Variants in KCNK12 observed in about 807,000 individuals in gnomAD.
The protein encoded by KCNK12 is potassium channel subfamily K member 12.
Under a neutral mutation model 25.3 loss-of-function variants are expected in KCNK12, and 6 were observed. The ratio of observed to expected loss-of-function variants is 0.24; its 90% CI spans 0.13 to 0.47. The LOEUF (loss-of-function observed/expected upper bound fraction) is 0.47. KCNK12 is among the 20% of genes least tolerant of loss of function. The pLI is 0.99. For missense variants in KCNK12, 444 were observed against 661.7 expected, an observed-to-expected ratio of 0.67 and a Z score of 3.61; for synonymous variants, 331 against 311.1, an observed-to-expected ratio of 1.06 and a Z score of -0.67.
chr2:47,521,193 G>C lies in KCNK12; in HGVS notation c.1007C>G (p.Thr336Ser). 6.7e-7 allele frequency: 1 copy of C among 1,501,298 alleles called. No homozygotes were observed. Among genetic ancestry groups the C allele is most frequent in the Non-Finnish European group, 8.9e-7 (1 of 1,126,386 alleles). 93.0% of individuals were successfully genotyped at this position (1,501,298 alleles called of 1,614,324 possible). A position where few individuals can be genotyped will look rare whatever the true frequency, so the allele number is the denominator to read the frequency against. The change falls in exon 2 of 2, where the codon ACC (threonine) becomes AGC (serine). Residue 336 changes from threonine to serine, a missense_variant. Thr to Ser is a moderately conservative substitution (Grantham distance 58). This residue lies in a region of KCNK12 where 69 missense variants were observed against 81.7 expected (regional missense o/e 0.84). Coordinates refer to ENST00000327876, the MANE Select transcript of KCNK12 (RefSeq NM_022055.2). ...GCGGCGGCGCAGCCGGGAGCCTGGG[G>C]TGATGGCATTGCGCCGGGCCAGGGG... Reference protein sequence around the residue: ...GAPLARRNAITPGSRLRRRLA... With the variant: ...GAPLARRNAISPGSRLRRRLA...
rs1669526023 is a variant in KCNK12, at chr2:47,555,170, G to C, written c.391+14771C>G. Among the ~76,000 whole-genome samples, 1 of 152,224 alleles carries C rather than the reference G, an allele frequency of 6.6e-6. No homozygotes were observed. Among genetic ancestry groups the C allele is most frequent in the Admixed American group, 6.5e-5 (1 of 15,282 alleles). ...ACCCATGGTTCTGAAGCTTAGTGTA[G>C]AAGATGGGTTATTCATCAATAGATA... On this transcript the variant is annotated intron_variant, in intron 1 of 1. Transcript: ENST00000327876. The surrounding 1 kb of genome is among the most constrained non-coding windows in gnomAD (Gnocchi z 4.5).
Position 47,557,595 on chromosome 2 carries a change from T to TC in KCNK12, c.391+12345dup, listed in dbSNP as rs1669575822. Among the ~76,000 whole-genome samples, 1 of 152,178 alleles carries TC rather than the reference T, an allele frequency of 6.6e-6. No individual in the cohort carries two copies. The highest frequency in any genetic ancestry group is 1.5e-5 in the Non-Finnish European group (1 of 68,030). On this transcript the variant is annotated intron_variant, in intron 1 of 1. Coordinates refer to ENST00000327876, the MANE Select transcript of KCNK12 (RefSeq NM_022055.2). This position sits in a 1 kb window ranked among gnomAD's most constrained non-coding sequence, Gnocchi z 4.9. Reference sequence around the variant, plus strand: ...TTGTCACTTGGCAATGCAGATTTCTTCATTCTTAAAATGGATACATGAATA... The same window carrying TC: ...TTGTCACTTGGCAATGCAGATTTCTTCCATTCTTAAAATGGATACATGAATA...
At chr2:47,552,299 G>A (rs540709180) in intron 1 of KCNK12, among the ~76,000 whole-genome samples, 3 of 152,276 alleles carry the variant, frequency 2.0e-5, no homozygotes, top group South Asian at 4.1e-4. Context: ...GCTGCCCTCA[G>A]CAATCTCCGA....
rs1259606969 is a variant in KCNK12, at chr2:47,569,627, C to T, written c.391+314G>A. On this transcript the variant is annotated intron_variant, in intron 1 of 1. Transcript: ENST00000327876. This position sits in a 1 kb window ranked among gnomAD's most constrained non-coding sequence, Gnocchi z 4.1. ...TTGTGGGTGGAAAACAGGAAGGAAC[C>T]GGTAGCCCTTGGCACGTATTCTTAG... 2.0e-5 allele frequency among the ~76,000 whole-genome samples: 3 copies of T among 152,084 alleles called. No homozygotes were observed. Among genetic ancestry groups the T allele is most frequent in the Admixed American group, 2.0e-4 (3 of 15,278 alleles).
chr2:47,568,854 G>T lies in KCNK12; in HGVS notation c.391+1087C>A, dbSNP rs1413557018. On this transcript the variant is annotated intron_variant, in intron 1 of 1. Coordinates refer to ENST00000327876, the MANE Select transcript of KCNK12 (RefSeq NM_022055.2). Reference sequence around the variant, plus strand: ...CCTGGGATTCAAAGCAGGAGTGGGGGGACACACACAGCCTTGTCAAGGTGA... The same window carrying T: ...CCTGGGATTCAAAGCAGGAGTGGGGTGACACACACAGCCTTGTCAAGGTGA... 2.6e-5 allele frequency among the ~76,000 whole-genome samples: 4 copies of T among 152,272 alleles called. 1 individual carries two copies. The highest frequency in any genetic ancestry group is 5.9e-5 in the Non-Finnish European group (4 of 68,024).
Position 47,569,902 on chromosome 2 carries a change from G to T in KCNK12, c.391+39C>A. On this transcript the variant is annotated intron_variant, in intron 1 of 1. Coordinates refer to ENST00000327876, the MANE Select transcript of KCNK12 (RefSeq NM_022055.2). The surrounding 1 kb of genome is among the most constrained non-coding windows in gnomAD (Gnocchi z 4.1). ...CAGTGGAAAGGGCGGCAGGTGAAAG[G>T]CACAGAGAGGAAAGATGCGCGGGGG... 7.6e-7 allele frequency: 1 copy of T among 1,319,908 alleles called. No individual in the cohort carries two copies. Among genetic ancestry groups the T allele is most frequent in the Non-Finnish European group, 9.7e-7 (1 of 1,027,330 alleles). The allele number at this position is 1,319,908 out of a possible 1,614,324, so 81.8% of individuals were successfully genotyped here.
intron 1 of KCNK12, among the ~76,000 whole-genome samples, chr2:47,546,970 G>C (rs145456694): frequency 6.6e-6 from 1 of 152,104 alleles, no homozygotes; most frequent in Non-Finnish European, 1.5e-5. Flanking sequence ...GAGAGACTTG[G>C]GTGTGGGAAA....
chr2:47,551,479 A>G lies in KCNK12; in HGVS notation c.391+18462T>C, dbSNP rs1431539391. On this transcript the variant is annotated intron_variant, in intron 1 of 1. Coordinates refer to ENST00000327876, the MANE Select transcript of KCNK12 (RefSeq NM_022055.2). The surrounding 1 kb of genome is among the most constrained non-coding windows in gnomAD (Gnocchi z 5.3). ...AACTAGAATGTTAGCTCCATAAGCT[A>G]GGGACTTTGTCTACTTGTTCACTGC... Among the ~76,000 whole-genome samples the G allele has an allele frequency of 1.3e-5, 2 of 152,210 alleles. No homozygotes were observed. The highest frequency in any genetic ancestry group is 1.3e-4 in the Admixed American group (2 of 15,284).
intron 1 of KCNK12, among the ~76,000 whole-genome samples, chr2:47,539,521 C>G (rs896277230): frequency 6.6e-6 from 1 of 151,932 alleles, no homozygotes; most frequent in Admixed American, 6.6e-5. Context: ...GAAGGGAGGC[C>G]AAAGGGAGGC....
chr2:47,549,717 C>T (rs79875759), intron 1 of KCNK12, among the ~76,000 whole-genome samples: 16 of 152,182 alleles, frequency 1.1e-4, no homozygotes, highest in African/African-American at 2.2e-4. Context: ...GGGCGGATCA[C>T]GAGGTCAGGA....
At chr2:47,539,175 A>C (rs1572593524) in intron 1 of KCNK12, among the ~76,000 whole-genome samples, 1 of 152,238 alleles carries the variant, frequency 6.6e-6, no homozygotes, top group South Asian at 2.1e-4. Context: ...TGAATCCAGG[A>C]TAAATAATGT....
chr2:47,568,211 C>G (rs531991585), intron 1 of KCNK12, among the ~76,000 whole-genome samples: 26 of 151,702 alleles, frequency 1.7e-4, no homozygotes, highest in African/African-American at 5.6e-4. Flanking sequence ...AGGGAAAGGG[C>G]GTGTTTACAA....
In KCNK12 at chr2:47,513,359, A is replaced by C. The variant is rs1668449629; in HGVS notation, c.*7548T>G. On this transcript the variant is annotated 3_prime_UTR_variant, in exon 2 of 2. Coordinates refer to ENST00000327876, the MANE Select transcript of KCNK12 (RefSeq NM_022055.2). Reference sequence around the variant, plus strand: ...TCTTAATCACTCAGTGGCACTTGGCACTTATTCCTTCTTGAAACCCTTGTT... The same window carrying C: ...TCTTAATCACTCAGTGGCACTTGGCCCTTATTCCTTCTTGAAACCCTTGTT... 1 of 152,230 alleles carries C rather than the reference A, an allele frequency of 6.6e-6. No homozygotes were observed. The highest frequency in any genetic ancestry group is 2.4e-5 in the African/African-American group (1 of 41,444). The allele number at this position is 152,230 out of a possible 1,614,324, so 9.4% of individuals were successfully genotyped here.
At position 47,519,712 on chromosome 2, in the gene KCNK12, T is replaced by A. The variant is rs1668605632; in HGVS notation, c.*1195A>T. On this transcript the variant is annotated 3_prime_UTR_variant, in exon 2 of 2. Transcript: ENST00000327876. The stretch of plus-strand genomic sequence containing the variant: ...CTGCCTTCCTCTGCCTCCAATAGGC[T>A]GTGCATGGAGAAGACAAATCCTCTT... The A allele has an allele frequency of 6.6e-6, 1 of 152,276 alleles. No individual in the cohort carries two copies. Among genetic ancestry groups the A allele is most frequent in the Admixed American group, 6.5e-5 (1 of 15,286 alleles). The allele number at this position is 152,276 out of a possible 1,614,324, so 9.4% of individuals were successfully genotyped here.
rs1333451521 is a variant in KCNK12 at position 47,520,262 on chromosome 2, G to C, written c.*645C>G. 2.0e-5 allele frequency: 3 copies of C among 152,262 alleles called. No individual in the cohort carries two copies. Among genetic ancestry groups the C allele is most frequent in the Non-Finnish European group, 4.4e-5 (3 of 68,070 alleles). 9.4% of individuals were successfully genotyped at this position (152,262 alleles called of 1,614,324 possible). A position where few individuals can be genotyped will look rare whatever the true frequency, so the allele number is the denominator to read the frequency against. The stretch of plus-strand genomic sequence containing the variant: ...GCTAAATGGACTAACTCTGAGCTGA[G>C]AAAGGCCAGCTAAGCCCCTCACCAC... On this transcript the variant is annotated 3_prime_UTR_variant, in exon 2 of 2. Transcript: ENST00000327876. The surrounding 1 kb of genome is among the most constrained non-coding windows in gnomAD (Gnocchi z 5.0).
Position 47,521,489 on chromosome 2 carries a change from G to A in KCNK12, c.711C>T (p.Ser237=). The part of the protein sequence containing the change: ...LSCCASAMYT[S]VEGWDYVDSL... ...AGTCCACGTAGTCCCAGCCCTCCACGCTGGTGTACATGGCCGAGGCGCAGC... is the reference window on the plus strand; with the variant it reads ...AGTCCACGTAGTCCCAGCCCTCCACACTGGTGTACATGGCCGAGGCGCAGC... The change falls in exon 2 of 2, where the codon AGC becomes AGT. Residue 237 remains serine, a synonymous_variant. Coordinates refer to ENST00000327876, the MANE Select transcript of KCNK12 (RefSeq NM_022055.2). 6.2e-7 allele frequency: 1 copy of A among 1,605,732 alleles called. No homozygotes were observed. The highest frequency in any genetic ancestry group is 8.5e-7 in the Non-Finnish European group (1 of 1,176,298).
In KCNK12 at chr2:47,509,541, T is replaced by C. The variant is rs1322260527; in HGVS notation, c.*11366A>G. 6.6e-6 allele frequency among the ~76,000 whole-genome samples: 1 copy of C among 152,224 alleles called. No individual in the cohort carries two copies. The highest frequency in any genetic ancestry group is 1.5e-5 in the Non-Finnish European group (1 of 68,034). On this transcript the variant is annotated 3_prime_UTR_variant, in exon 2 of 2. Transcript: ENST00000327876. ...TGTGCAGATGGTACCTGGTGCAGGATTGTGGTGTCCAGGTGTCTCTCCTTA... is the reference window on the plus strand; with the variant it reads ...TGTGCAGATGGTACCTGGTGCAGGACTGTGGTGTCCAGGTGTCTCTCCTTA...
At position 47,511,322 on chromosome 2, in the gene KCNK12, C is replaced by A. The variant is rs543393425; in HGVS notation, c.*9585G>T. Reference sequence around the variant, plus strand: ...ATGTGTGAGTTGAAGGGAGCAACCTCATGAGGTTTTGCTTTGTGTCTTAAT... The same window carrying A: ...ATGTGTGAGTTGAAGGGAGCAACCTAATGAGGTTTTGCTTTGTGTCTTAAT... On this transcript the variant is annotated 3_prime_UTR_variant, in exon 2 of 2. Transcript: ENST00000327876. The surrounding 1 kb of genome is among the most constrained non-coding windows in gnomAD (Gnocchi z 4.3). 7.2e-5 allele frequency among the ~76,000 whole-genome samples: 11 copies of A among 152,302 alleles called. No homozygotes were observed. The highest frequency in any genetic ancestry group is 2.4e-4 in the African/African-American group (10 of 41,556).
chr2:47,544,432 C>T (rs1669268221), intron 1 of KCNK12, among the ~76,000 whole-genome samples: 1 of 152,266 alleles, frequency 6.6e-6, no homozygotes, highest in African/African-American at 2.4e-5. Flanking sequence ...AGACCTTTCT[C>T]TTTCAAACCC....
Sources: gnomAD v4.1 joint callset for allele counts (sites outside exome capture counted in the v4.1 genomes callset) on GRCh38, gnomAD v4.1.1 for gene constraint, gnomAD v4.1.1 regional missense constraint, Gnocchi (gnomAD v3.1) non-coding constraint, MANE v1.5 for transcripts, NCBI Gene and HGNC (gene_info 2026-07-23, HGNC 2026-07-21) for gene names.